The following STX7 variants were observed in gnomAD, a reference collection of about 807,000 sequenced individuals.
The protein encoded by STX7 is syntaxin-7.
STX7 carries 34 observed loss-of-function variants against 39.6 expected under a neutral mutation model. That is an observed-to-expected ratio of 0.86 (90% CI 0.65 to 1.14). The LOEUF (loss-of-function observed/expected upper bound fraction) is 1.14, where lower values mean the gene tolerates loss of function less well. STX7 is among the 50% of genes most tolerant of loss of function. The probability of loss-of-function intolerance (pLI) is 0.00; values close to 1 mark genes in which losing one functional copy is unlikely to be tolerated. For missense variants in STX7, 284 were observed against 310.4 expected (o/e 0.92, Z 0.64); for synonymous variants, 119 against 99.1 (o/e 1.20, Z -1.19).
At chr6:132,502,274 T>G (rs1408295875) in intron 2 of STX7, among the ~76,000 whole-genome samples, 1 of 152,170 alleles carries the variant, frequency 6.6e-6, no homozygotes, top group African/African-American at 2.4e-5. Flanking sequence ...TTGAAAACAC[T>G]ATTTCTGCAA....
At chr6:132,480,149 C>T (rs1287570305) in intron 2 of STX7, among the ~76,000 whole-genome samples, 3 of 152,076 alleles carry the variant, frequency 2.0e-5, no homozygotes, top group Admixed American at 1.3e-4. Flanking sequence ...TTCCACACAC[C>T]GATGCTTCTG....
chr6:132,474,519 G>A (rs1448822051), intron 3 of STX7, among the ~76,000 whole-genome samples: 1 of 151,730 alleles, frequency 6.6e-6, no homozygotes, highest in Non-Finnish European at 1.5e-5. Flanking sequence ...CGTCCTCTTT[G>A]CAGTTTTCCC....
intron 8 of STX7, among the ~76,000 whole-genome samples, chr6:132,465,861 T>C (rs1774552469): frequency 6.6e-6 from 1 of 152,190 alleles, no homozygotes; most frequent in South Asian, 2.1e-4. Flanking sequence ...TTCCTATCAT[T>C]TAACTCAAAA....
chr6:132,487,948 C>T (rs1181745620), intron 2 of STX7, among the ~76,000 whole-genome samples: 1 of 151,932 alleles, frequency 6.6e-6, no homozygotes, highest in African/African-American at 2.4e-5. Context: ...TTTGCAATTT[C>T]GGTTGTTTTT....
chr6:132,502,489 C>T (rs1167461444), intron 2 of STX7, among the ~76,000 whole-genome samples: 1 of 152,110 alleles, frequency 6.6e-6, no homozygotes, highest in Non-Finnish European at 1.5e-5. Flanking sequence ...AAATAAAAAC[C>T]TATCCACTCA....
At position 132,460,732 on chromosome 6, in the gene STX7, G is replaced by A. The variant is rs56348033; in HGVS notation, c.*26C>T. 1.3e-4 allele frequency: 199 copies of A among 1,494,978 alleles called. 1 individual carries two copies. The highest frequency in any genetic ancestry group is 2.4e-4 in the Admixed American group (14 of 57,632). The allele number at this position is 1,494,978 out of a possible 1,614,324, so 92.6% of individuals were successfully genotyped here. Reference sequence around the variant, plus strand: ...CTTCCTACATAATTTAGACAATGTAGTGCGACAGTGTGCTCCTTTATAACT... The same window carrying A: ...CTTCCTACATAATTTAGACAATGTAATGCGACAGTGTGCTCCTTTATAACT... On this transcript the variant is annotated 3_prime_UTR_variant, in exon 10 of 10. Transcript: ENST00000367941.
chr6:132,471,410 G>T, intron 5 of STX7, 53 bp downstream of exon 5: 2 of 1,551,514 alleles, frequency 1.3e-6, no homozygotes, highest in South Asian at 1.2e-5. Flanking sequence ...ACTTTTATGG[G>T]ACCCTTAGCA....
rs1774097283 is a variant in STX7 at position 132,449,649 on chromosome 6, G to A, written c.*11109C>T. ...AGTCAACAATTCCTTTAGTTGTGGT[G>A]AATCTGCTCTTAAACCATTCATTAT... On this transcript the variant is annotated 3_prime_UTR_variant, in exon 10 of 10. Coordinates refer to ENST00000367941, the MANE Select transcript of STX7 (RefSeq NM_003569.3). 1 of 152,110 alleles carries A rather than the reference G, an allele frequency of 6.6e-6. No individual in the cohort carries two copies. The highest frequency in any genetic ancestry group is 1.5e-5 in the Non-Finnish European group (1 of 68,020). The allele number at this position is 152,110 out of a possible 1,614,324, so 9.4% of individuals were successfully genotyped here. A position where few individuals can be genotyped will look rare whatever the true frequency, so the allele number is the denominator to read the frequency against.
At position 132,460,110 on chromosome 6, in the gene STX7, A is replaced by T. The variant is rs1774350936; in HGVS notation, c.*648T>A. The T allele has an allele frequency of 6.6e-6, 1 of 152,202 alleles. No homozygotes were observed. The highest frequency in any genetic ancestry group is 2.1e-4 in the South Asian group (1 of 4,834). 9.4% of individuals were successfully genotyped at this position (152,202 alleles called of 1,614,324 possible). ...CTTAAATAGACCATATGTAAAAACA[A>T]CCTATCCTTAGTAATTTTACTAGGC... On this transcript the variant is annotated 3_prime_UTR_variant, in exon 10 of 10. Transcript: ENST00000367941.
intron 6 of STX7, 144 bp downstream of exon 6, chr6:132,470,430 C>A: frequency 2.1e-6 from 1 of 482,902 alleles, no homozygotes; most frequent in Admixed American, 4.2e-5. Context: ...AAATTTTTTT[C>A]AAATTTACTC....
rs887422903 is a variant in STX7, at chr6:132,472,400, A to G, written c.156-25T>C. ...CCTAAAGTGAGAAAACACGCATTAC[A>G]GCCAAAGGACTAATATACTTCTTTA... On this transcript the variant is annotated intron_variant, in intron 3 of 9. Coordinates refer to ENST00000367941, the MANE Select transcript of STX7 (RefSeq NM_003569.3). The G allele has an allele frequency of 7.7e-6, 12 of 1,563,516 alleles. No individual in the cohort carries two copies. In the African/African-American group the frequency reaches 1.6e-4, roughly 21 times the overall value.
chr6:132,475,896 T>C (rs1774862847), intron 2 of STX7, among the ~76,000 whole-genome samples: 1 of 152,184 alleles, frequency 6.6e-6, no homozygotes, highest in Non-Finnish European at 1.5e-5. Flanking sequence ...AAAATGCACT[T>C]ATGACCCAAA....
At chr6:132,469,257 C>A (rs1332084595) in intron 7 of STX7, among the ~76,000 whole-genome samples, 3 of 152,088 alleles carry the variant, frequency 2.0e-5, no homozygotes, top group Non-Finnish European at 4.4e-5. Context: ...AAATAAAATT[C>A]TTTGAAGGCC....
chr6:132,474,637 A>G (rs1774824396), intron 3 of STX7, among the ~76,000 whole-genome samples: 1 of 152,158 alleles, frequency 6.6e-6, no homozygotes, highest in Admixed American at 6.6e-5. Flanking sequence ...TCTAAATGAC[A>G]TTGGGTAACT....
At chr6:132,501,965 G>A (rs891123999) in intron 2 of STX7, among the ~76,000 whole-genome samples, 13 of 152,024 alleles carry the variant, frequency 8.6e-5, no homozygotes, top group South Asian at 2.1e-4. Flanking sequence ...AGCCAACGCC[G>A]GTGGCCTGTG....
chr6:132,509,880 C>G (rs1372806676), intron 1 of STX7, among the ~76,000 whole-genome samples: 2 of 152,334 alleles, frequency 1.3e-5, no homozygotes, highest in East Asian at 3.9e-4. Context: ...TGTCTGCTTT[C>G]CACATCAGTC....
chr6:132,500,873 A>G (rs1775542123), intron 2 of STX7, among the ~76,000 whole-genome samples: 2 of 152,106 alleles, frequency 1.3e-5, no homozygotes, highest in South Asian at 2.1e-4. Context: ...AGGCAATTCT[A>G]CCTTAACAAC....
rs902357940 is a variant in STX7 at position 132,449,156 on chromosome 6, T to A, written c.*11602A>T. On this transcript the variant is annotated 3_prime_UTR_variant, in exon 10 of 10. Coordinates refer to ENST00000367941, the MANE Select transcript of STX7 (RefSeq NM_003569.3). Reference sequence around the variant, plus strand: ...GTGTGTGCCACCATGCCTGGCTAATTTTTGTATTTTTTGTACAGATGGAGT... The same window carrying A: ...GTGTGTGCCACCATGCCTGGCTAATATTTGTATTTTTTGTACAGATGGAGT... 1 of 152,598 alleles carries A rather than the reference T, an allele frequency of 6.6e-6. No individual in the cohort carries two copies. Among genetic ancestry groups the A allele is most frequent in the Non-Finnish European group, 1.5e-5 (1 of 68,646 alleles). 9.5% of individuals were successfully genotyped at this position (152,598 alleles called of 1,614,324 possible).
At chr6:132,482,837 C>A (rs879584984) in intron 2 of STX7, among the ~76,000 whole-genome samples, 1 of 152,134 alleles carries the variant, frequency 6.6e-6, no homozygotes, top group African/African-American at 2.4e-5. Context: ...CAAGATTCCA[C>A]AGACTTGATT....
Sources: allele counts gnomAD v4.1 joint callset (sites outside exome capture counted in the v4.1 genomes callset), GRCh38; gene constraint gnomAD v4.1.1; transcripts MANE v1.5; gene names NCBI Gene and HGNC (gene_info 2026-07-23, HGNC 2026-07-21).